Variants in CHN1 observed in about 807,000 individuals in gnomAD.
CHN1 encodes the protein N-chimaerin.
Under a neutral mutation model 59.5 loss-of-function variants are expected in CHN1, and 37 were observed. That is an observed-to-expected ratio of 0.62 (90% CI 0.48 to 0.82). The LOEUF is 0.82. Ranked by LOEUF, CHN1 falls within the 40% of genes least tolerant of loss-of-function variation. The pLI, the probability that CHN1 is intolerant of heterozygous loss-of-function variation, is 0.00. For missense variants in CHN1, 469 were observed against 571.0 expected (o/e 0.82, Z 1.82); for synonymous variants, 206 against 200.4 (o/e 1.03, Z -0.24).
At chr2:174,842,685 C>T (rs1203232276) in intron 7 of CHN1, among the ~76,000 whole-genome samples, 2 of 152,172 alleles carry the variant, frequency 1.3e-5, no homozygotes, top group Non-Finnish European at 2.9e-5. Flanking sequence ...CGGCCACTGC[C>T]GCCCTTCAGT....
rs140360662 is a variant in CHN1, at chr2:174,994,950, A to C, written c.19+9944T>G. ...AATTGTAAACTAACCAATTTCTAAG[A>C]GGCAGGTTTAAGTTTCCGATTACAG... On this transcript the variant is annotated intron_variant, in intron 1 of 12. Coordinates refer to ENST00000409900, the MANE Select transcript of CHN1 (RefSeq NM_001822.7). Among the ~76,000 whole-genome samples, 569 of 152,338 alleles carry C rather than the reference A, an allele frequency of 3.7e-3. 4 individuals are homozygous for C. Among genetic ancestry groups the C allele is most frequent in the African/African-American group, 0.013 (545 of 41,582 alleles).
At chr2:174,823,006 T>A (rs1558938891) in intron 8 of CHN1, among the ~76,000 whole-genome samples, 1 of 152,218 alleles carries the variant, frequency 6.6e-6, no homozygotes, top group Non-Finnish European at 1.5e-5. Flanking sequence ...GAATAATAAC[T>A]GAAAGAAGAG....
At chr2:174,968,487 T>G (rs1197678629) in intron 1 of CHN1, among the ~76,000 whole-genome samples, 1 of 152,246 alleles carries the variant, frequency 6.6e-6, no homozygotes, top group East Asian at 1.9e-4. Context: ...TCCTAAAGTA[T>G]AGTAAAATGC....
intron 3 of CHN1, among the ~76,000 whole-genome samples, chr2:174,937,033 A>G (rs1361131300): frequency 6.6e-6 from 1 of 152,232 alleles, no homozygotes. Context: ...GGAATTAGGA[A>G]AAAAGCATTA....
At chr2:174,921,518 T>C (rs188143639) in intron 3 of CHN1, among the ~76,000 whole-genome samples, 34 of 152,264 alleles carry the variant, frequency 2.2e-4, no homozygotes, top group African/African-American at 7.9e-4. Context: ...TTCATGTCTA[T>C]AGGAGAGTCA....
At chr2:174,998,332 T>C (rs1008517438) in intron 1 of CHN1, among the ~76,000 whole-genome samples, 1 of 127,302 alleles carries the variant, frequency 7.9e-6, no homozygotes, top group African/African-American at 3.1e-5. Context: ...AGATACGAGA[T>C]TAAAAAAAAA....
At chr2:174,800,431 A>G (rs1442857302) in intron 12 of CHN1, 144 bp from the exon 13 acceptor site, 1 of 550,256 alleles carries the variant, frequency 1.8e-6, no homozygotes. Context: ...CTGTAATTTC[A>G]AAGTACTGAC....
intron 1 of CHN1, among the ~76,000 whole-genome samples, chr2:174,957,457 G>C (rs1180089367): frequency 8.2e-6 from 1 of 121,330 alleles, no homozygotes; most frequent in East Asian, 2.8e-4. Context: ...GGGGGGGGGG[G>C]CAGTTAATTA....
chr2:175,004,827 A>C (rs538414084), intron 1 of CHN1, 67 bp downstream of exon 1: 8 of 1,074,546 alleles, frequency 7.4e-6, no homozygotes, highest in Non-Finnish European at 9.5e-6. Context: ...CAGGCCCCCC[A>C]GGCCCCCGCC....
intron 5 of CHN1, among the ~76,000 whole-genome samples, chr2:174,906,023 A>G (rs1365363075): frequency 6.6e-6 from 1 of 152,206 alleles, no homozygotes; most frequent in Non-Finnish European, 1.5e-5. Context: ...TGGTGGGACT[A>G]TAATGATATA....
At chr2:174,837,963 T>C (rs1686149060) in intron 7 of CHN1, among the ~76,000 whole-genome samples, 1 of 152,256 alleles carries the variant, frequency 6.6e-6, no homozygotes, top group Non-Finnish European at 1.5e-5. Context: ...CACCAACTAA[T>C]GATACTAAGT....
intron 7 of CHN1, among the ~76,000 whole-genome samples, chr2:174,828,223 G>C (rs962924738): frequency 1.3e-5 from 2 of 152,104 alleles, no homozygotes; most frequent in Non-Finnish European, 2.9e-5. Flanking sequence ...TGGGGAATAG[G>C]AACTGGAGCT....
At chr2:174,953,908 C>A (rs1690106381) in intron 1 of CHN1, among the ~76,000 whole-genome samples, 1 of 152,144 alleles carries the variant, frequency 6.6e-6, no homozygotes, top group African/African-American at 2.4e-5. Context: ...CATCAAAATA[C>A]CACCATTATT....
Position 174,877,951 on chromosome 2 carries a change from T to G in CHN1, c.438A>C (p.Val146=). The G allele has an allele frequency of 6.2e-7, 1 of 1,613,954 alleles. No homozygotes were observed. The highest frequency in any genetic ancestry group is 8.5e-7 in the Non-Finnish European group (1 of 1,179,848). Residue 146 remains valine, a synonymous_variant, in exon 6 of 13, where the codon GTA becomes GTC. Coordinates refer to ENST00000409900, the MANE Select transcript of CHN1 (RefSeq NM_001822.7). ...KMTINPIYEH[V]GYTTLNREPA... is the part of the protein sequence containing the mutation. Reference sequence around the variant, plus strand: ...GCTCTCTGTTTAAGGTTGTGTATCCTACGTGCTCATAAATTGGGTTTATCG... The same window carrying G: ...GCTCTCTGTTTAAGGTTGTGTATCCGACGTGCTCATAAATTGGGTTTATCG...
At chr2:174,984,388 T>C (rs1397989814) in intron 1 of CHN1, among the ~76,000 whole-genome samples, 2 of 148,202 alleles carry the variant, frequency 1.3e-5, no homozygotes, top group Non-Finnish European at 3.0e-5. Context: ...TTTTTTTTTT[T>C]AGATGGAGTC....
intron 2 of CHN1, among the ~76,000 whole-genome samples, chr2:174,951,060 T>A (rs1690012552): frequency 6.6e-6 from 1 of 152,252 alleles, no homozygotes; most frequent in African/African-American, 2.4e-5. Context: ...ATTACAGGCA[T>A]GAGCCACAGT....
intron 1 of CHN1, among the ~76,000 whole-genome samples, chr2:174,998,766 T>G (rs953263643): frequency 6.6e-6 from 1 of 152,224 alleles, no homozygotes; most frequent in Non-Finnish European, 1.5e-5. Flanking sequence ...ATTTTTAATT[T>G]TATTTTTTGT....
chr2:174,904,615 C>T (rs979610419), intron 5 of CHN1, among the ~76,000 whole-genome samples: 1 of 152,116 alleles, frequency 6.6e-6, no homozygotes, highest in African/African-American at 2.4e-5. Flanking sequence ...CTCAAACTCC[C>T]AACCTCAGGT....
At chr2:174,945,293 C>G in intron 2 of CHN1, 1 of 291,596 alleles carries the variant, frequency 3.4e-6, no homozygotes, top group Non-Finnish European at 7.4e-6. Context: ...GTTATATATA[C>G]ATATATTTAA....
Sources: allele counts gnomAD v4.1 joint callset (sites outside exome capture counted in the v4.1 genomes callset), GRCh38; gene constraint gnomAD v4.1.1; transcripts MANE v1.5; gene names NCBI Gene and HGNC (gene_info 2026-07-23, HGNC 2026-07-21).